Variants in JPT1 observed in about 807,000 individuals in gnomAD.
JPT1 encodes the protein androgen-regulated protein 2.
Under a neutral mutation model 17.0 loss-of-function variants are expected in JPT1, and 5 were observed. The ratio of observed to expected loss-of-function variants is 0.29; its 90% CI spans 0.15 to 0.62. JPT1 has a LOEUF of 0.62. Among genes scored for constraint, JPT1 ranks in the 20% least tolerant of loss-of-function variants. The pLI, the probability that JPT1 is intolerant of heterozygous loss-of-function variation, is 0.85. For synonymous variants in JPT1, 71 were observed against 73.6 expected (o/e 0.96, Z 0.18); for missense variants, 158 against 188.1 (o/e 0.84, Z 0.94).
chr17:75,143,385 C>CCTCATCT, intron 4 of JPT1, among the ~76,000 whole-genome samples: 1 of 151,356 alleles, frequency 6.6e-6, no homozygotes, highest in South Asian at 2.1e-4. Flanking sequence ...CATGGTGAAA[C>CCTCATCT]CTCGTCTCTA....
chr17:75,142,522 AC>A (rs1366689322), intron 4 of JPT1, among the ~76,000 whole-genome samples: 1 of 145,134 alleles, frequency 6.9e-6, no homozygotes, highest in African/African-American at 2.6e-5. Context: ...TCGTGCCACT[AC>A]ACTCCAGCCT....
intron 4 of JPT1, 160 bp from the exon 5 acceptor site, chr17:75,136,410 A>C: frequency 1.7e-6 from 1 of 599,048 alleles, no homozygotes; most frequent in Non-Finnish European, 2.8e-6. Context: ...ACTCCACAGA[A>C]TTAACCATTG....
At chr17:75,147,485 G>C (rs1422532895) in intron 3 of JPT1, 71 bp downstream of exon 3, 2 of 1,081,808 alleles carry the variant, frequency 1.8e-6, no homozygotes, top group African/African-American at 3.1e-5. Flanking sequence ...TGGGTGAACT[G>C]AAACTCTTAG....
At chr17:75,138,110 G>A (rs532339691) in intron 4 of JPT1, among the ~76,000 whole-genome samples, 5 of 151,792 alleles carry the variant, frequency 3.3e-5, no homozygotes, top group South Asian at 2.1e-4. Flanking sequence ...ATAGGTGCCC[G>A]CTACAACGCC....
intron 4 of JPT1, among the ~76,000 whole-genome samples, chr17:75,138,006 G>A (rs905485211): frequency 6.7e-6 from 1 of 150,242 alleles, no homozygotes; most frequent in Non-Finnish European, 1.5e-5. Flanking sequence ...GTCCAGGCTA[G>A]AGTGCAACAG....
At chr17:75,152,930 G>T (rs1285117168) in intron 1 of JPT1, 1 of 152,072 alleles carries the variant, frequency 6.6e-6, no homozygotes, top group African/African-American at 2.4e-5. Context: ...TTGTAAACCT[G>T]AAAGTATTGA....
Position 75,154,487 on chromosome 17 carries a change from C to A in JPT1, c.-90G>T, listed in dbSNP as rs570950133. 2.4e-6 allele frequency: 3 copies of A among 1,259,078 alleles called. No homozygotes were observed. The highest frequency in any genetic ancestry group is 1.5e-5 in the African/African-American group (1 of 65,572). 78.0% of individuals were successfully genotyped at this position (1,259,078 alleles called of 1,614,324 possible). A position where few individuals can be genotyped will look rare whatever the true frequency, so the allele number is the denominator to read the frequency against. On this transcript the variant is annotated 5_prime_UTR_variant, in exon 1 of 5. Coordinates refer to ENST00000409753, the MANE Select transcript of JPT1 (RefSeq NM_016185.4). The stretch of plus-strand genomic sequence containing the variant: ...GCTGGGAAACTCCACACCCAACAGC[C>A]GACCACCGCTGCAGGAGCCGCCGCT...
In JPT1 at chr17:75,147,827, T is replaced by C. The variant is rs187080235; in HGVS notation, c.200-174A>G. On this transcript the variant is annotated intron_variant, in intron 2 of 4. Coordinates refer to ENST00000409753, the MANE Select transcript of JPT1 (RefSeq NM_016185.4). ...CAGCCTGGCCAACATGGTAAAACCC[T>C]GTCTCTACTAAAAATATAAAAATTG... is the stretch of plus-strand genomic sequence containing the variant. 1.1e-3 allele frequency: 638 copies of C among 559,846 alleles called. 1 individual carries two copies. Among genetic ancestry groups the C allele is most frequent in the South Asian group, 2.8e-3 (133 of 46,972 alleles). 34.7% of individuals were successfully genotyped at this position (559,846 alleles called of 1,614,324 possible). A position where few individuals can be genotyped will look rare whatever the true frequency, so the allele number is the denominator to read the frequency against.
intron 1 of JPT1, chr17:75,153,756 G>C (rs1406530739): frequency 6.6e-6 from 1 of 151,704 alleles, no homozygotes; most frequent in Non-Finnish European, 1.5e-5. Context: ...AGCCCCGCTC[G>C]ACCACACATG....
chr17:75,148,539 G>A lies in JPT1; in HGVS notation c.189C>T (p.Ala63=), dbSNP rs762745214. Reference sequence around the variant, plus strand: ...AGATAACAAGAGTACCTGCTGACTTGGCCCAAGAAGCTTGATTTTCTTCAG... The same window carrying A: ...AGATAACAAGAGTACCTGCTGACTTAGCCCAAGAAGCTTGATTTTCTTCAG... ...GTPEENQASW[A]KSAGAKSSGG... The change falls in exon 2 of 5, where the codon GCC becomes GCT. Residue 63 remains alanine (A), a synonymous_variant. Transcript: ENST00000409753. 1.2e-5 allele frequency: 19 copies of A among 1,614,002 alleles called. No homozygotes were observed. The East Asian group carries it at 4.2e-4, about 36-fold the overall frequency.
chr17:75,136,152 G>A lies in JPT1; in HGVS notation c.415C>T (p.Pro139Ser). ...CCGCCAGGGGGATTTCTTCTGGATGGCACTGGGGCCGGGGCCACCGGGCTG... is the reference window on the plus strand; with the variant it reads ...CCGCCAGGGGGATTTCTTCTGGATGACACTGGGGCCGGGGCCACCGGGCTG... ...VPSPVAPAPV[P>S]SRRNPPGGKS... is the part of the protein sequence containing the mutation. The change falls in exon 5 of 5, where the codon CCA becomes TCA. Residue 139 changes from proline to serine, a missense_variant. By Grantham distance (74) the Pro-to-Ser change is moderately conservative. Transcript: ENST00000409753. 1.2e-6 allele frequency: 2 copies of A among 1,614,182 alleles called. No homozygotes were observed. Among genetic ancestry groups the A allele is most frequent in the East Asian group, 2.2e-5 (1 of 44,882 alleles).
chr17:75,146,620 T>C (rs1375985425), intron 4 of JPT1, 46 bp downstream of exon 4: 6 of 1,439,788 alleles, frequency 4.2e-6, no homozygotes, highest in Non-Finnish European at 9.6e-7. Flanking sequence ...AGATCTGTCC[T>C]AAAACCATGG....
chr17:75,139,537 C>G (rs1202703344), intron 4 of JPT1, among the ~76,000 whole-genome samples: 1 of 151,944 alleles, frequency 6.6e-6, no homozygotes, highest in Non-Finnish European at 1.5e-5. Flanking sequence ...AATGTCTGTC[C>G]AGGCCAGGTG....
At chr17:75,148,325 A>T (rs1348077117) in intron 2 of JPT1, among the ~76,000 whole-genome samples, 2 of 152,186 alleles carry the variant, frequency 1.3e-5, no homozygotes, top group African/African-American at 4.8e-5. Context: ...AGCTCACTGC[A>T]GCCTCCACCT....
Position 75,135,887 on chromosome 17 carries a change from TCTA to T in JPT1, c.*212_*214del. 1 of 957,782 alleles carries T rather than the reference TCTA, an allele frequency of 1.0e-6. No individual in the cohort carries two copies. The highest frequency in any genetic ancestry group is 1.5e-6 in the Non-Finnish European group (1 of 645,466). 59.3% of individuals were successfully genotyped at this position (957,782 alleles called of 1,614,324 possible). A position where few individuals can be genotyped will look rare whatever the true frequency, so the allele number is the denominator to read the frequency against. ...AAGTGTCACAAAGCTTTCCCTCCAA[TCTA>T]CTACTAGAAAACACTCATGCCATGG... On this transcript the variant is annotated 3_prime_UTR_variant, in exon 5 of 5. Coordinates refer to ENST00000409753, the MANE Select transcript of JPT1 (RefSeq NM_016185.4).
At position 75,144,520 on chromosome 17, in the gene JPT1, T is replaced by A. The variant is rs73352405; in HGVS notation, c.316+2146A>T. ...GAGCAAGATTCAGTTTAGAAAAAAA[T>A]AAAAAAAAATGTATCATATATTCAT... On this transcript the variant is annotated intron_variant, in intron 4 of 4. Transcript: ENST00000409753. 4.2e-3 allele frequency among the ~76,000 whole-genome samples: 631 copies of A among 150,692 alleles called. 3 individuals are homozygous for A. The highest frequency in any genetic ancestry group is 0.014 in the African/African-American group (575 of 41,042).
chr17:75,144,742 G>A (rs2074390995), intron 4 of JPT1, among the ~76,000 whole-genome samples: 1 of 152,104 alleles, frequency 6.6e-6, no homozygotes, highest in African/African-American at 2.4e-5. Context: ...TGAATCTGAG[G>A]TTATCTTCAG....
Position 75,147,666 on chromosome 17 carries a change from AT to A in JPT1, c.200-14del. On this transcript the variant is annotated splice_polypyrimidine_tract_variant and intron_variant, in intron 2 of 4. Coordinates refer to ENST00000409753, the MANE Select transcript of JPT1 (RefSeq NM_016185.4). ...CTAGACTTGGCACCTAAAAATCAAA[AT>A]ATACTTTCTTCAGAAATACAATAGA... 1 of 1,594,204 alleles carries A rather than the reference AT, an allele frequency of 6.3e-7. No homozygotes were observed. The highest frequency in any genetic ancestry group is 8.6e-7 in the Non-Finnish European group (1 of 1,162,330).
intron 4 of JPT1, chr17:75,138,659 C>G (rs930100986): frequency 6.6e-6 from 1 of 152,010 alleles, no homozygotes; most frequent in African/African-American, 2.4e-5. Flanking sequence ...CCACCCACCT[C>G]AGCTGCCCAA....
Sources: gnomAD v4.1 joint callset for allele counts (sites outside exome capture counted in the v4.1 genomes callset) on GRCh38, gnomAD v4.1.1 for gene constraint, MANE v1.5 for transcripts, NCBI Gene and HGNC (gene_info 2026-07-23, HGNC 2026-07-21) for gene names.